HS2ST1: variants seen among roughly 807,000 people sequenced by gnomAD.
HS2ST1 encodes heparan sulfate 2-O-sulfotransferase 1.
HS2ST1 carries 18 observed loss-of-function variants against 42.9 expected under a neutral mutation model. That is an observed-to-expected ratio of 0.42 (90% confidence interval 0.29 to 0.62). HS2ST1 has a LOEUF of 0.62. HS2ST1 is among the 20% of genes least tolerant of loss of function. HS2ST1 has a pLI of 0.21. For missense variants in HS2ST1, 334 were observed against 433.8 expected, an observed-to-expected ratio of 0.77 and a Z score of 2.04; for synonymous variants, 146 against 152.9, an observed-to-expected ratio of 0.95 and a Z score of 0.33.
chr1:86,925,435 T>G (rs1236156233), intron 1 of HS2ST1, among the ~76,000 whole-genome samples: 1 of 152,238 alleles, frequency 6.6e-6, no homozygotes, highest in East Asian at 1.9e-4. Context: ...GTTTTCATGC[T>G]GCTGATAAAG....
At chr1:86,943,425 A>T (rs903582999) in intron 1 of HS2ST1, among the ~76,000 whole-genome samples, 4 of 152,178 alleles carry the variant, frequency 2.6e-5, no homozygotes, top group Admixed American at 2.6e-4. Context: ...TTGAATTAAC[A>T]TTCTTTTTAG....
At chr1:87,011,964 T>C (rs1649608683) in intron 1 of HS2ST1, among the ~76,000 whole-genome samples, 1 of 152,252 alleles carries the variant, frequency 6.6e-6, no homozygotes, top group East Asian at 1.9e-4. Flanking sequence ...CAATTTATTT[T>C]TTGTATTTGC....
At chr1:87,035,860 T>C (rs1303870905) in intron 1 of HS2ST1, among the ~76,000 whole-genome samples, 1 of 151,888 alleles carries the variant, frequency 6.6e-6, no homozygotes, top group African/African-American at 2.4e-5. Flanking sequence ...CTGGGATACA[T>C]GTGCAAAACC....
chr1:86,918,986 A>AT (rs1202307359), intron 1 of HS2ST1, among the ~76,000 whole-genome samples: 4 of 141,846 alleles, frequency 2.8e-5, no homozygotes, highest in African/African-American at 1.0e-4. Flanking sequence ...TTATTTATTT[A>AT]TTTATTTTTT....
chr1:87,015,694 A>G (rs1323756643), intron 1 of HS2ST1, among the ~76,000 whole-genome samples: 9 of 152,094 alleles, frequency 5.9e-5, no homozygotes, highest in African/African-American at 2.2e-4. Context: ...ATGTGGAAGA[A>G]AATGCCATAA....
chr1:86,985,214 G>T (rs1570464411), intron 1 of HS2ST1, among the ~76,000 whole-genome samples: 1 of 149,650 alleles, frequency 6.7e-6, no homozygotes, highest in East Asian at 2.0e-4. Context: ...AATTAGCTGG[G>T]CGTGGTGGCA....
At chr1:86,958,765 C>T (rs368895892) in intron 1 of HS2ST1, among the ~76,000 whole-genome samples, 13 of 152,162 alleles carry the variant, frequency 8.5e-5, no homozygotes, top group African/African-American at 2.7e-4. Flanking sequence ...TACCTAATAC[C>T]GAAGACCATA....
intron 1 of HS2ST1, among the ~76,000 whole-genome samples, chr1:86,953,504 C>A (rs1454975433): frequency 2.0e-5 from 3 of 152,190 alleles, no homozygotes; most frequent in Admixed American, 2.0e-4. Flanking sequence ...TGCCTGTAAT[C>A]CCAGCACTTT....
At chr1:87,023,155 G>A (rs1649994418) in intron 1 of HS2ST1, among the ~76,000 whole-genome samples, 1 of 152,130 alleles carries the variant, frequency 6.6e-6, no homozygotes, top group African/African-American at 2.4e-5. Context: ...CAGAACTAAT[G>A]AGTTGGTATA....
chr1:86,923,474 G>A (rs1259038165), intron 1 of HS2ST1, among the ~76,000 whole-genome samples: 4 of 150,892 alleles, frequency 2.7e-5, no homozygotes, highest in Admixed American at 6.6e-5. Context: ...TCGGCTCACT[G>A]CAAGCTCCGC....
chr1:86,978,157 T>C (rs1648475709), intron 1 of HS2ST1, among the ~76,000 whole-genome samples: 1 of 152,190 alleles, frequency 6.6e-6, no homozygotes, highest in Admixed American at 6.5e-5. Context: ...TATTAACAGG[T>C]TTGTGTAAAT....
At chr1:87,080,788 G>A (rs1012339440) in intron 2 of HS2ST1, among the ~76,000 whole-genome samples, 23 of 152,264 alleles carry the variant, frequency 1.5e-4, no homozygotes, top group Non-Finnish European at 2.5e-4. Context: ...CAGTGATTGC[G>A]GGACTTTGCG....
chr1:86,963,584 T>A (rs1647922650), intron 1 of HS2ST1, among the ~76,000 whole-genome samples: 1 of 152,174 alleles, frequency 6.6e-6, no homozygotes, highest in South Asian at 2.1e-4. Flanking sequence ...ATAATCTGAT[T>A]TCTCTATCTT....
intron 1 of HS2ST1, among the ~76,000 whole-genome samples, chr1:87,020,984 A>G (rs1223689441): frequency 1.3e-5 from 2 of 152,136 alleles, no homozygotes; most frequent in African/African-American, 4.8e-5. Flanking sequence ...TTTGGTTATC[A>G]AATTCCTTAG....
chr1:86,994,240 T>C (rs1422064848), intron 1 of HS2ST1, among the ~76,000 whole-genome samples: 1 of 152,232 alleles, frequency 6.6e-6, no homozygotes, highest in Non-Finnish European at 1.5e-5. Flanking sequence ...TTCAGTATGA[T>C]TGCATTTCCT....
chr1:87,051,283 TATGTTGCCTA>T (rs1372355612), intron 1 of HS2ST1, among the ~76,000 whole-genome samples: 1 of 152,152 alleles, frequency 6.6e-6, no homozygotes, highest in African/African-American at 2.4e-5. Context: ...TACTTAAATT[TATGTTGCCTA>T]ATTCAAATAG....
rs576086085 is a variant in HS2ST1, at chr1:87,074,954, A to G, written c.363+1782A>G. ...GTAGACGCAGTTCTTCAAACAAGTT[A>G]TATTTACTGCTTCCCCTTCTTTTGT... On this transcript the variant is annotated intron_variant, in intron 2 of 6. Coordinates refer to ENST00000370550, the MANE Select transcript of HS2ST1 (RefSeq NM_012262.4). 7.2e-4 allele frequency among the ~76,000 whole-genome samples: 109 copies of G among 152,112 alleles called. 1 individual carries two copies. The highest frequency in any genetic ancestry group is 1.3e-3 in the Non-Finnish European group (89 of 67,976).
intron 1 of HS2ST1, among the ~76,000 whole-genome samples, chr1:86,998,106 T>A (rs1311189566): frequency 6.6e-6 from 1 of 152,234 alleles, no homozygotes; most frequent in South Asian, 2.1e-4. Flanking sequence ...GTCAAGGATA[T>A]CCTTGTGTTG....
chr1:87,045,643 A>G, intron 1 of HS2ST1: 3 of 774,182 alleles, frequency 3.9e-6, no homozygotes, highest in Non-Finnish European at 7.2e-6. Flanking sequence ...AAGATCTTCA[A>G]TCTTTCCAAT....
Sources: allele counts gnomAD v4.1 joint callset (sites outside exome capture counted in the v4.1 genomes callset), GRCh38; gene constraint gnomAD v4.1.1; transcripts MANE v1.5; gene names NCBI Gene and HGNC (gene_info 2026-07-23, HGNC 2026-07-21).